The following LNPEP variants were observed in gnomAD, a reference collection of about 807,000 sequenced individuals.
LNPEP encodes the protein leucyl-cystinyl aminopeptidase.
Under a neutral mutation model 120.6 loss-of-function variants are expected in LNPEP, and 64 were observed. That is an observed-to-expected ratio of 0.53 (90% CI 0.43 to 0.65). The LOEUF (loss-of-function observed/expected upper bound fraction) is 0.65. LNPEP is among the 30% of genes least tolerant of loss of function. The pLI is 0.00. For missense variants in LNPEP, 1,057 were observed against 1,200.0 expected, an observed-to-expected ratio of 0.88 and a Z score of 1.76; for synonymous variants, 435 against 425.4, an observed-to-expected ratio of 1.02 and a Z score of -0.28.
At chr5:96,974,502 C>T (rs903856453) in intron 1 of LNPEP, among the ~76,000 whole-genome samples, 3 of 152,052 alleles carry the variant, frequency 2.0e-5, no homozygotes, top group Admixed American at 6.6e-5. Flanking sequence ...TGTTCCTTTC[C>T]TGCAGAAATA....
At chr5:97,016,139 C>G (rs996634632) in intron 13 of LNPEP, among the ~76,000 whole-genome samples, 1 of 152,072 alleles carries the variant, frequency 6.6e-6, no homozygotes, top group African/African-American at 2.4e-5. Flanking sequence ...AGGAGTTACC[C>G]CATCCCTATC....
Position 97,015,030 on chromosome 5 carries a change from C to G in LNPEP, c.2311C>G (p.Gln771Glu). The G allele has an allele frequency of 6.2e-7, 1 of 1,603,760 alleles. No homozygotes were observed. The highest frequency in any genetic ancestry group is 1.1e-5 in the South Asian group (1 of 88,316). The change falls in exon 13 of 18, where the codon CAG (glutamine) becomes GAG (glutamate). Residue 771 changes from glutamine to glutamate, a missense_variant. Transcript: ENST00000231368. The part of the protein sequence containing the change: ...HTAPITEALF[Q>E]TDLIYNLLEK... ...TGCACCCATCACCGAAGCCCTGTTT[C>G]AGACAGACCTCATCTATAACCTCCT...
In LNPEP at chr5:97,022,298, AG is replaced by A; in HGVS notation, c.2377-1del. On this transcript the variant is annotated splice_acceptor_variant, in intron 13 of 17. Coordinates refer to ENST00000231368, the MANE Select transcript of LNPEP (RefSeq NM_005575.3). LOFTEE classifies it high-confidence loss of function. ...CCATTATAATCTATTTTGTCTCTCT[AG>A]ACTAGGGTATTTAAATTACTTCAAA... The A allele has an allele frequency of 6.4e-7, 1 of 1,558,662 alleles. No individual in the cohort carries two copies. The highest frequency in any genetic ancestry group is 8.8e-7 in the Non-Finnish European group (1 of 1,134,222).
intron 1 of LNPEP, among the ~76,000 whole-genome samples, chr5:96,959,683 A>G (rs1020375473): frequency 1.3e-5 from 2 of 152,128 alleles, no homozygotes; most frequent in African/African-American, 4.8e-5. Context: ...ATATGATTTT[A>G]GTTTTAGACT....
intron 4 of LNPEP, among the ~76,000 whole-genome samples, chr5:96,989,298 ATAATATATTGTATATT>A (rs1561442911): frequency 8.1e-5 from 7 of 85,918 alleles, no homozygotes; most frequent in African/African-American, 3.1e-4. Flanking sequence ...TAATTTATAT[ATAATATATTGTATATT>A]ATATATAATA....
intron 1 of LNPEP, among the ~76,000 whole-genome samples, chr5:96,978,858 A>G (rs555404345): frequency 6.6e-6 from 1 of 152,344 alleles, no homozygotes; most frequent in South Asian, 2.1e-4. Flanking sequence ...TAAGGAAATT[A>G]GTATATTATC....
intron 7 of LNPEP, among the ~76,000 whole-genome samples, chr5:96,997,796 A>T (rs1235358977): frequency 6.6e-6 from 1 of 152,088 alleles, no homozygotes; most frequent in African/African-American, 2.4e-5. Context: ...GCTAATTTTA[A>T]TGTGGCCAGG....
At chr5:96,973,901 T>G (rs1472423007) in intron 1 of LNPEP, among the ~76,000 whole-genome samples, 1 of 152,076 alleles carries the variant, frequency 6.6e-6, no homozygotes, top group Non-Finnish European at 1.5e-5. Flanking sequence ...ATTGTATCCC[T>G]CAATTGATGA....
At chr5:96,947,848 A>C (rs1789224230) in intron 1 of LNPEP, among the ~76,000 whole-genome samples, 1 of 152,150 alleles carries the variant, frequency 6.6e-6, no homozygotes, top group African/African-American at 2.4e-5. Context: ...CTTTGGGTTT[A>C]ATTCTATTTT....
intron 1 of LNPEP, among the ~76,000 whole-genome samples, chr5:96,976,551 G>A (rs1790000560): frequency 6.6e-6 from 1 of 152,082 alleles, no homozygotes. Flanking sequence ...TTGAGAGATT[G>A]GAATGCTCTA....
rs1790081175 is a variant in LNPEP, at chr5:96,979,757, T to A, written c.639T>A (p.Gly213=). The change falls in exon 2 of 18, where the codon GGT becomes GGA. Residue 213 remains glycine, a synonymous_variant. Coordinates refer to ENST00000231368, the MANE Select transcript of LNPEP (RefSeq NM_005575.3). The part of the protein sequence containing the change: ...VTWNIILHST[G]HNISRVTFMS... Reference sequence around the variant, plus strand: ...GGAATATCATTCTTCATAGCACAGGTCATAATATTTCAAGAGTGACCTTTA... The same window carrying A: ...GGAATATCATTCTTCATAGCACAGGACATAATATTTCAAGAGTGACCTTTA... The A allele has an allele frequency of 1.2e-6, 2 of 1,614,006 alleles. No individual in the cohort carries two copies. The highest frequency in any genetic ancestry group is 1.7e-4 in the Middle Eastern group (1 of 6,060).
intron 11 of LNPEP, among the ~76,000 whole-genome samples, chr5:97,008,086 A>G (rs763255174): frequency 6.6e-6 from 1 of 152,092 alleles, no homozygotes; most frequent in Non-Finnish European, 1.5e-5. Flanking sequence ...AGTAAACAAA[A>G]CTCTAACTTT....
chr5:96,988,339 C>CTTT (rs201343272), intron 4 of LNPEP, among the ~76,000 whole-genome samples: 45,189 of 124,828 alleles, frequency 0.36, 8,540 homozygotes, highest in Non-Finnish European at 0.4. Flanking sequence ...TTTTTCTTTT[C>CTTT]TTTTTTTTTT....
intron 1 of LNPEP, chr5:96,962,761 A>G (rs1297314598): frequency 6.6e-6 from 1 of 151,916 alleles, no homozygotes; most frequent in African/African-American, 2.4e-5. Flanking sequence ...ACCAACTTCC[A>G]GAGATATTCT....
intron 9 of LNPEP, among the ~76,000 whole-genome samples, chr5:97,004,383 A>C (rs776880310): frequency 6.6e-6 from 1 of 152,104 alleles, no homozygotes; most frequent in Non-Finnish European, 1.5e-5. Flanking sequence ...GTGGTGGCAC[A>C]TGCCTGTAGT....
rs1195019785 is a variant in LNPEP at position 97,006,986 on chromosome 5, A to G, written c.2035+471A>G. On this transcript the variant is annotated intron_variant, in intron 11 of 17. Transcript: ENST00000231368. ...GACATAGTATATGTTTTGGGGAACA[A>G]GAAAATGGGGCATGAAACTATGATA... is the stretch of plus-strand genomic sequence containing the variant. Among the ~76,000 whole-genome samples the G allele has an allele frequency of 2.6e-5, 4 of 152,326 alleles. No individual in the cohort carries two copies. In the East Asian group the frequency reaches 7.7e-4, roughly 29 times the overall value.
intron 13 of LNPEP, among the ~76,000 whole-genome samples, chr5:97,017,186 T>C (rs997572428): frequency 6.6e-6 from 1 of 152,174 alleles, no homozygotes; most frequent in African/African-American, 2.4e-5. Flanking sequence ...GATAGGTGCA[T>C]AGTGGTACTG....
intron 1 of LNPEP, among the ~76,000 whole-genome samples, chr5:96,959,417 G>T (rs3909451): frequency 0.4 from 61,291 of 151,918 alleles, 12,432 homozygotes; most frequent in Non-Finnish European, 0.43. Context: ...TCTGTATTTT[G>T]TTGTAGTCTT....
At chr5:96,970,374 T>A (rs1200557005) in intron 1 of LNPEP, among the ~76,000 whole-genome samples, 1 of 152,122 alleles carries the variant, frequency 6.6e-6, no homozygotes, top group Non-Finnish European at 1.5e-5. Context: ...GCTGAATTTC[T>A]CCTTTTATCA....
Sources: allele counts gnomAD v4.1 joint callset (sites outside exome capture counted in the v4.1 genomes callset), GRCh38; gene constraint gnomAD v4.1.1; transcripts MANE v1.5; gene names NCBI Gene and HGNC (gene_info 2026-07-23, HGNC 2026-07-21).